CMIP: variants seen among roughly 807,000 people sequenced by gnomAD.
CMIP encodes the protein C-Maf-inducing protein.
CMIP carries 13 observed loss-of-function variants against 97.3 expected under a neutral mutation model. That is an observed-to-expected ratio of 0.13 (90% CI 0.09 to 0.21). The LOEUF is 0.21. Among genes scored for constraint, CMIP ranks in the 10% least tolerant of loss-of-function variants. The pLI is 1.00. For missense variants in CMIP, 847 were observed against 1,024.9 expected (o/e 0.83, Z 2.37); for synonymous variants, 538 against 436.3 (o/e 1.23, Z -2.91).
chr16:81,554,772 T>G (rs1465999106), intron 1 of CMIP, among the ~76,000 whole-genome samples: 1 of 152,222 alleles, frequency 6.6e-6, no homozygotes, highest in Non-Finnish European at 1.5e-5. Context: ...GAGATAATCG[T>G]TATATCTGGT....
rs1567637997 is a variant in CMIP, at chr16:81,655,612, C to T, written c.640-2163C>T. ...TGACTGGGACAAAGGAAATGATGTC[C>T]GTGGTCGCCAAAGCCTTCCTGGAAA... On this transcript the variant is annotated intron_variant, in intron 4 of 20. Coordinates refer to ENST00000537098, the MANE Select transcript of CMIP (RefSeq NM_198390.3). This position sits in a 1 kb window ranked among gnomAD's most constrained non-coding sequence, Gnocchi z 4.9. 6.6e-6 allele frequency among the ~76,000 whole-genome samples: 1 copy of T among 152,078 alleles called. No individual in the cohort carries two copies. The highest frequency in any genetic ancestry group is 2.4e-5 in the African/African-American group (1 of 41,398).
chr16:81,625,973 G>C lies in CMIP; in HGVS notation c.477+5047G>C, dbSNP rs532244796. On this transcript the variant is annotated intron_variant, in intron 3 of 20. Coordinates refer to ENST00000537098, the MANE Select transcript of CMIP (RefSeq NM_198390.3). Reference sequence around the variant, plus strand: ...TCACAAGAAGCTGGCCTGTATTCCTGTCCCAGGGCTGCCAGGGCCAGAGGA... The same window carrying C: ...TCACAAGAAGCTGGCCTGTATTCCTCTCCCAGGGCTGCCAGGGCCAGAGGA... Among the ~76,000 whole-genome samples, 74 of 152,384 alleles carry C rather than the reference G, an allele frequency of 4.9e-4. 1 individual carries two copies. Among genetic ancestry groups the C allele is most frequent in the Non-Finnish European group, 9.4e-4 (64 of 68,038 alleles).
chr16:81,613,238 T>C (rs1023003177), intron 2 of CMIP, among the ~76,000 whole-genome samples: 1 of 152,174 alleles, frequency 6.6e-6, no homozygotes, highest in African/African-American at 2.4e-5. Context: ...GCCACATCCT[T>C]CCTCCTCCTG....
chr16:81,602,228 C>T (rs1028248046), intron 1 of CMIP, among the ~76,000 whole-genome samples: 1 of 151,788 alleles, frequency 6.6e-6, no homozygotes, highest in Non-Finnish European at 1.5e-5. Flanking sequence ...AGAGCAGGGA[C>T]ATCTATGTGC....
rs896218107 is a variant in CMIP, at chr16:81,614,963, T to G, written c.427-5913T>G. Among the ~76,000 whole-genome samples the G allele has an allele frequency of 4.7e-5, 7 of 150,380 alleles. No individual in the cohort carries two copies. Among genetic ancestry groups the G allele is most frequent in the South Asian group, 2.1e-4 (1 of 4,736 alleles). ...GTGGTGTGTGCATGTGTGTGGTGTG[T>G]TGTGTGATATGTGACGTGTGTGTGT... On this transcript the variant is annotated intron_variant, in intron 2 of 20. Coordinates refer to ENST00000537098, the MANE Select transcript of CMIP (RefSeq NM_198390.3). The surrounding 1 kb of genome is among the most constrained non-coding windows in gnomAD (Gnocchi z 5.3).
chr16:81,679,040 G>T (rs1426504436), intron 10 of CMIP, among the ~76,000 whole-genome samples: 1 of 152,210 alleles, frequency 6.6e-6, no homozygotes, highest in African/African-American at 2.4e-5. Flanking sequence ...ACATCTGCCA[G>T]GGTGTGCAGG....
intron 1 of CMIP, among the ~76,000 whole-genome samples, chr16:81,506,482 C>T (rs1323516475): frequency 6.6e-6 from 1 of 152,154 alleles, no homozygotes; most frequent in Non-Finnish European, 1.5e-5. Context: ...AGAAACTGGC[C>T]TTGTATTGTG....
At chr16:81,689,232 C>T (rs1905776380) in intron 10 of CMIP, among the ~76,000 whole-genome samples, 1 of 152,260 alleles carries the variant, frequency 6.6e-6, no homozygotes, top group Admixed American at 6.5e-5. Flanking sequence ...GGCATCTCCA[C>T]ACTGTCTTCC....
chr16:81,576,241 T>C (rs1488812732), intron 1 of CMIP, among the ~76,000 whole-genome samples: 1 of 152,080 alleles, frequency 6.6e-6, no homozygotes, highest in Non-Finnish European at 1.5e-5. Context: ...CCGTCTCTAC[T>C]AAAAATACAA....
At chr16:81,446,573 C>A (rs1275291514) in intron 1 of CMIP, among the ~76,000 whole-genome samples, 1 of 152,028 alleles carries the variant, frequency 6.6e-6, no homozygotes, top group Non-Finnish European at 1.5e-5. Context: ...CTTGTCTTCC[C>A]CAGAATGCAC....
chr16:81,540,623 G>T (rs565191808), intron 1 of CMIP, among the ~76,000 whole-genome samples: 18 of 148,758 alleles, frequency 1.2e-4, no homozygotes, highest in African/African-American at 4.5e-4. Context: ...TTTGAAGCCA[G>T]TTAAATGTGT....
At chr16:81,476,465 G>C in intron 1 of CMIP, 1 of 821,288 alleles carries the variant, frequency 1.2e-6, no homozygotes, top group Non-Finnish European at 2.1e-6. Flanking sequence ...AAGGAGATGC[G>C]GCCCAAGGGC....
At chr16:81,683,590 A>T (rs146071871) in intron 10 of CMIP, among the ~76,000 whole-genome samples, 3,402 of 151,604 alleles carry the variant, frequency 0.022, 59 homozygotes, top group African/African-American at 0.042. Flanking sequence ...GGTTTTTGCC[A>T]TGTTGGCCAG....
intron 1 of CMIP, among the ~76,000 whole-genome samples, chr16:81,508,637 CA>C (rs1364568380): frequency 2.6e-5 from 4 of 152,184 alleles, no homozygotes; most frequent in Non-Finnish European, 5.9e-5. Flanking sequence ...ATGTCTGAGT[CA>C]AAGGTTATGC....
At chr16:81,459,285 T>C (rs1157051008) in intron 1 of CMIP, among the ~76,000 whole-genome samples, 3 of 152,206 alleles carry the variant, frequency 2.0e-5, no homozygotes, top group Non-Finnish European at 4.4e-5. Flanking sequence ...TCTCACAGTT[T>C]TCTTGGAAAC....
chr16:81,522,947 G>A (rs2090056808), intron 1 of CMIP, among the ~76,000 whole-genome samples: 1 of 150,940 alleles, frequency 6.6e-6, no homozygotes, highest in Admixed American at 6.6e-5. Flanking sequence ...CTTTTTTTGA[G>A]ACAGTGTCTC....
intron 14 of CMIP, 147 bp from the exon 15 acceptor site, chr16:81,699,537 CT>C (rs1191464710): frequency 3.3e-6 from 2 of 598,704 alleles, no homozygotes; most frequent in African/African-American, 3.7e-5. Flanking sequence ...TTGCATCCCC[CT>C]GGGGCCTGGT....
chr16:81,610,380 C>G (rs1487822214), intron 2 of CMIP: 1 of 985,506 alleles, frequency 1.0e-6, no homozygotes, highest in Admixed American at 6.1e-5. Flanking sequence ...GCCCCCTGAT[C>G]CCGTGGACAG....
intron 3 of CMIP, chr16:81,622,197 G>A (rs892108805): frequency 1.3e-5 from 2 of 152,208 alleles, no homozygotes; most frequent in Admixed American, 1.3e-4. Flanking sequence ...AGCTCCCATC[G>A]TTAGGAAGGG....
Sources: allele counts gnomAD v4.1 joint callset (sites outside exome capture counted in the v4.1 genomes callset), GRCh38; gene constraint gnomAD v4.1.1; non-coding constraint Gnocchi (gnomAD v3.1); transcripts MANE v1.5; gene names NCBI Gene and HGNC (gene_info 2026-07-23, HGNC 2026-07-21).